Variants in PRKAA2 observed in about 807,000 individuals in gnomAD.
PRKAA2 encodes protein kinase AMP-activated catalytic subunit alpha 2.
PRKAA2 carries 40 observed loss-of-function variants against 56.3 expected under a neutral mutation model. That is an observed-to-expected ratio of 0.71 (90% CI 0.55 to 0.92). The LOEUF is 0.92. PRKAA2 is among the 40% of genes least tolerant of loss of function. PRKAA2 has a pLI of 0.00. For synonymous variants in PRKAA2, 214 were observed against 234.2 expected (o/e 0.91, Z 0.79); for missense variants, 542 against 686.9 (o/e 0.79, Z 2.36).
At position 56,673,723 on chromosome 1, in the gene PRKAA2, G is replaced by A. The variant is rs533907962; in HGVS notation, c.95-658G>A. 2.0e-5 allele frequency among the ~76,000 whole-genome samples: 3 copies of A among 152,342 alleles called. No individual in the cohort carries two copies. The South Asian group carries it at 6.2e-4, about 32-fold the overall frequency. The stretch of plus-strand genomic sequence containing the variant: ...TATACTTCCTGAGAGATTCAGATGA[G>A]CACTGGTCATCTTGTCCAAGGAGAG... On this transcript the variant is annotated intron_variant, in intron 1 of 8. Coordinates refer to ENST00000371244, the MANE Select transcript of PRKAA2 (RefSeq NM_006252.4).
chr1:56,683,767 T>C (rs1644172590), intron 2 of PRKAA2, among the ~76,000 whole-genome samples: 1 of 151,990 alleles, frequency 6.6e-6, no homozygotes, highest in Admixed American at 6.6e-5. Context: ...AAGTAGAAAT[T>C]CCTGCAGGTC....
At position 56,704,040 on chromosome 1, in the gene PRKAA2, C is replaced by A. The variant is rs775647745; in HGVS notation, c.858C>A (p.Asn286Lys). ...CTGAAGACCCTTCCTATGATGCTAACGTCATTGATGATGAGGCTGTGAAAG... is the reference window on the plus strand; with the variant it reads ...CTGAAGACCCTTCCTATGATGCTAAAGTCATTGATGATGAGGCTGTGAAAG... ...LFPEDPSYDA[N>K]VIDDEAVKEV... The change falls in exon 7 of 9, where the codon AAC becomes AAA. Residue 286 changes from asparagine to lysine, a missense_variant. Physicochemically the swap from Asn to Lys is moderately conservative, Grantham distance 94 (BLOSUM62 0). Transcript: ENST00000371244. 4 of 1,613,714 alleles carry A rather than the reference C, an allele frequency of 2.5e-6. No homozygotes were observed. Among genetic ancestry groups the A allele is most frequent in the Non-Finnish European group, 3.4e-6 (4 of 1,179,778 alleles).
In PRKAA2 at chr1:56,704,292, G is replaced by A; in HGVS notation, c.1110G>A (p.Met370Ile). Reference sequence around the variant, plus strand: ...GCCTGAAACCTCATCCAGAAAGGATGCCACCTCTTATAGCAGACAGCCCCA... The same window carrying A: ...GCCTGAAACCTCATCCAGAAAGGATACCACCTCTTATAGCAGACAGCCCCA... ...PPGLKPHPERMPPLIADSPKA... is the reference protein window; with the variant it reads ...PPGLKPHPERIPPLIADSPKA... Residue 370 changes from methionine (M) to isoleucine (I), a missense_variant, in exon 7 of 9, where the codon ATG (methionine) becomes ATA (isoleucine). Coordinates refer to ENST00000371244, the MANE Select transcript of PRKAA2 (RefSeq NM_006252.4). 6.2e-7 allele frequency: 1 copy of A among 1,614,092 alleles called. No homozygotes were observed. Among genetic ancestry groups the A allele is most frequent in the Non-Finnish European group, 8.5e-7 (1 of 1,180,018 alleles).
chr1:56,674,661 T>G, intron 2 of PRKAA2, 139 bp downstream of exon 2: 1 of 644,716 alleles, frequency 1.6e-6, no homozygotes, highest in Non-Finnish European at 2.2e-6. Context: ...TTAATTCATT[T>G]AACCTTTATC....
Position 56,693,859 on chromosome 1 carries a change from A to G in PRKAA2, c.563+7A>G. 1 of 1,560,784 alleles carries G rather than the reference A, an allele frequency of 6.4e-7. No individual in the cohort carries two copies. The highest frequency in any genetic ancestry group is 8.8e-7 in the Non-Finnish European group (1 of 1,138,532). ...CTGAAGTCATCTCAGGCAGGTAATA[A>G]TCAGTGAAGCATAAGCTTTTTGTAA... On this transcript the variant is annotated splice_region_variant and intron_variant, in intron 5 of 8. Coordinates refer to ENST00000371244, the MANE Select transcript of PRKAA2 (RefSeq NM_006252.4).
chr1:56,685,318 T>C (rs1450329185), intron 2 of PRKAA2, among the ~76,000 whole-genome samples: 1 of 34,112 alleles, frequency 2.9e-5, no homozygotes, highest in African/African-American at 1.3e-4. Context: ...TAATTCAGAA[T>C]GAGAAGGAGT....
At chr1:56,658,968 AT>A (rs758544267) in intron 1 of PRKAA2, among the ~76,000 whole-genome samples, 224 of 135,960 alleles carry the variant, frequency 1.6e-3, no homozygotes, top group Middle Eastern at 7.7e-3. Context: ...CTAATTTTTA[AT>A]TTTTTTTTTT....
At chr1:56,681,872 G>A (rs934344542) in intron 2 of PRKAA2, among the ~76,000 whole-genome samples, 15 of 152,226 alleles carry the variant, frequency 9.9e-5, no homozygotes, top group African/African-American at 2.9e-4. Context: ...CTTTAAAGTC[G>A]TTTTTTCCAA....
rs1486680691 is a variant in PRKAA2 at position 56,692,522 on chromosome 1, T to C, written c.475+20T>C. The C allele has an allele frequency of 6.2e-7, 1 of 1,609,818 alleles. No homozygotes were observed. The highest frequency in any genetic ancestry group is 8.5e-7 in the Non-Finnish European group (1 of 1,177,944). On this transcript the variant is annotated intron_variant, in intron 4 of 8. Transcript: ENST00000371244. ...ATTTCGGTATGTAACTCCAGGGTTGTTCAGAAAGGTACTAGCTACCTTTTA... is the reference window on the plus strand; with the variant it reads ...ATTTCGGTATGTAACTCCAGGGTTGCTCAGAAAGGTACTAGCTACCTTTTA...
At position 56,699,631 on chromosome 1, in the gene PRKAA2, C is replaced by T. The variant is rs983738258; in HGVS notation, c.788+3472C>T. ...TATAATTCACATATCATAAATTTAT[C>T]CCTTTAGATTGTATAATTCACTGGC... On this transcript the variant is annotated intron_variant, in intron 6 of 8. Coordinates refer to ENST00000371244, the MANE Select transcript of PRKAA2 (RefSeq NM_006252.4). Among the ~76,000 whole-genome samples the T allele has an allele frequency of 3.3e-5, 5 of 152,150 alleles. No homozygotes were observed. The South Asian group carries it at 1.0e-3, about 32-fold the overall frequency.
intron 1 of PRKAA2, among the ~76,000 whole-genome samples, chr1:56,656,445 G>A (rs11206892): frequency 0.018 from 2,696 of 152,220 alleles, 81 homozygotes; most frequent in African/African-American, 0.062. Flanking sequence ...AAAATGACCT[G>A]TGATTGGTTA....
At chr1:56,652,258 G>T (rs982327738) in intron 1 of PRKAA2, among the ~76,000 whole-genome samples, 1 of 152,006 alleles carries the variant, frequency 6.6e-6, no homozygotes, top group African/African-American at 2.4e-5. Flanking sequence ...TAATACGCCC[G>T]CCTCAGCTTC....
rs185034939 is a variant in PRKAA2 at position 56,648,941 on chromosome 1, G to A, written c.94+3460G>A. On this transcript the variant is annotated intron_variant, in intron 1 of 8. Transcript: ENST00000371244. ...ATAAGTTGAGTTGTGAGGATTCTTTGTAAATTGTGGATACAGATCCTTTAA... is the reference window on the plus strand; with the variant it reads ...ATAAGTTGAGTTGTGAGGATTCTTTATAAATTGTGGATACAGATCCTTTAA... Among the ~76,000 whole-genome samples, 319 of 152,232 alleles carry A rather than the reference G, an allele frequency of 2.1e-3. 1 individual carries two copies. The highest frequency in any genetic ancestry group is 2.5e-3 in the Non-Finnish European group (168 of 68,014).
At chr1:56,649,882 G>A (rs961706364) in intron 1 of PRKAA2, among the ~76,000 whole-genome samples, 2 of 152,114 alleles carry the variant, frequency 1.3e-5, no homozygotes, top group Non-Finnish European at 2.9e-5. Context: ...ATCACTTGAG[G>A]TCAGGAGTTT....
intron 6 of PRKAA2, among the ~76,000 whole-genome samples, chr1:56,697,796 A>G (rs1012193567): frequency 4.6e-5 from 7 of 150,818 alleles, no homozygotes; most frequent in African/African-American, 1.7e-4. Flanking sequence ...GCGCCCATCT[A>G]TATTAAAATT....
Position 56,679,737 on chromosome 1 carries a change from T to C in PRKAA2, c.236+5215T>C, listed in dbSNP as rs139978400. 8.5e-5 allele frequency among the ~76,000 whole-genome samples: 13 copies of C among 152,220 alleles called. No homozygotes were observed. The East Asian group carries it at 2.5e-3, about 29-fold the overall frequency. On this transcript the variant is annotated intron_variant, in intron 2 of 8. Transcript: ENST00000371244. ...AACTTGTCTTTTAAGTGCAATTACATTTGACCCTTGAACGGTATGGGTTTG... is the reference window on the plus strand; with the variant it reads ...AACTTGTCTTTTAAGTGCAATTACACTTGACCCTTGAACGGTATGGGTTTG...
In PRKAA2 at chr1:56,703,859, T is replaced by C. The variant is rs181800749; in HGVS notation, c.789-112T>C. ...TCACATAGCTAGTAAGTGGCAGAGC[T>C]AGGTCTAGAGACCAGATCTTTTGAT... is the stretch of plus-strand genomic sequence containing the variant. On this transcript the variant is annotated intron_variant, in intron 6 of 8. Coordinates refer to ENST00000371244, the MANE Select transcript of PRKAA2 (RefSeq NM_006252.4). 1.2e-4 allele frequency: 147 copies of C among 1,216,336 alleles called. 1 individual carries two copies. In the East Asian group the frequency reaches 2.7e-3, roughly 22 times the overall value. The allele number at this position is 1,216,336 out of a possible 1,614,324, so 75.3% of individuals were successfully genotyped here.
intron 1 of PRKAA2, among the ~76,000 whole-genome samples, chr1:56,654,198 A>T (rs1643924427): frequency 6.6e-6 from 1 of 152,144 alleles, no homozygotes; most frequent in Non-Finnish European, 1.5e-5. Context: ...CCTCAGTTCC[A>T]TGAGCTTTCT....
At chr1:56,692,028 ATTTTTTT>A (rs397863487) in intron 3 of PRKAA2, among the ~76,000 whole-genome samples, 2 of 112,806 alleles carry the variant, frequency 1.8e-5, no homozygotes, top group Admixed American at 9.8e-5. Flanking sequence ...GATGTCTCAG[ATTTTTTT>A]TTTTTTTTTT....
Sources: allele counts gnomAD v4.1 joint callset (sites outside exome capture counted in the v4.1 genomes callset), GRCh38; gene constraint gnomAD v4.1.1; transcripts MANE v1.5; gene names NCBI Gene and HGNC (gene_info 2026-07-23, HGNC 2026-07-21).